The following AGBL4 variants were observed in gnomAD, a reference collection of about 807,000 sequenced individuals.
The protein encoded by AGBL4 is AGBL carboxypeptidase 4.
In AGBL4, 58 loss-of-function variants were observed where a neutral mutation model predicts 66.4. That is an observed-to-expected ratio of 0.87 (90% CI 0.71 to 1.09). The LOEUF (loss-of-function observed/expected upper bound fraction) is 1.09. Among genes scored for constraint, AGBL4 ranks in the 50% least tolerant of loss-of-function variants. The probability of loss-of-function intolerance (pLI) is 0.00; values close to 1 mark genes in which losing one functional copy is unlikely to be tolerated. For synonymous variants in AGBL4, 234 were observed against 222.9 expected, an observed-to-expected ratio of 1.05 and a Z score of -0.44; for missense variants, 579 against 631.0, an observed-to-expected ratio of 0.92 and a Z score of 0.88.
Position 49,291,028 on chromosome 1 carries a change from C to T in AGBL4, c.283-45164G>A, listed in dbSNP as rs183213927. On this transcript the variant is annotated intron_variant, in intron 3 of 13. Coordinates refer to ENST00000371839, the MANE Select transcript of AGBL4 (RefSeq NM_032785.4). Reference sequence around the variant, plus strand: ...AAATAGTATTACAGGACATGAAACCCGCTGATAGGATTGGGAGGGTTAACT... The same window carrying T: ...AAATAGTATTACAGGACATGAAACCTGCTGATAGGATTGGGAGGGTTAACT... 2.3e-4 allele frequency among the ~76,000 whole-genome samples: 35 copies of T among 152,156 alleles called. No homozygotes were observed. In the East Asian group the frequency reaches 3.5e-3, roughly 15 times the overall value.
chr1:49,493,739 C>A (rs1375417810), intron 3 of AGBL4, among the ~76,000 whole-genome samples: 1 of 151,946 alleles, frequency 6.6e-6, no homozygotes, highest in Non-Finnish European at 1.5e-5. Context: ...GTCACTGGGA[C>A]ATGTCTTCAT....
At chr1:49,302,816 C>T (rs2148447075) in intron 3 of AGBL4, among the ~76,000 whole-genome samples, 1 of 151,938 alleles carries the variant, frequency 6.6e-6, no homozygotes, top group Admixed American at 6.6e-5. Flanking sequence ...TGTTCTCCCT[C>T]CCCCTGCCCC....
intron 1 of AGBL4, chr1:49,995,437 C>G (rs1242207640): frequency 2.6e-6 from 1 of 379,376 alleles, no homozygotes; most frequent in Non-Finnish European, 5.3e-6. Context: ...CCCCTGAGAA[C>G]ACAACTCCAC....
chr1:49,848,592 T>C (rs1646218525), intron 2 of AGBL4, among the ~76,000 whole-genome samples: 1 of 152,152 alleles, frequency 6.6e-6, no homozygotes, highest in African/African-American at 2.4e-5. Flanking sequence ...TTCTCATTTA[T>C]AAGTGAGAGC....
intron 4 of AGBL4, among the ~76,000 whole-genome samples, chr1:49,058,820 G>A (rs1042247187): frequency 3.3e-5 from 5 of 152,336 alleles, no homozygotes; most frequent in African/African-American, 1.2e-4. Context: ...GGGAACTGGA[G>A]TAAAGGCAAC....
chr1:48,597,930 GA>G (rs1252374693), intron 9 of AGBL4, among the ~76,000 whole-genome samples: 2 of 151,716 alleles, frequency 1.3e-5, no homozygotes, highest in African/African-American at 4.8e-5. Context: ...GGAAGAAAAA[GA>G]AAAAGAAAGA....
chr1:49,800,220 A>C (rs1644825600), intron 2 of AGBL4, among the ~76,000 whole-genome samples: 1 of 152,156 alleles, frequency 6.6e-6, no homozygotes, highest in African/African-American at 2.4e-5. Flanking sequence ...AATATAGCAA[A>C]AGTGGTAATA....
chr1:48,864,394 T>C (rs1337504760), intron 6 of AGBL4, among the ~76,000 whole-genome samples: 4 of 152,204 alleles, frequency 2.6e-5, no homozygotes, highest in African/African-American at 9.6e-5. Context: ...GTAGTTAATT[T>C]GAAGATGCAT....
At chr1:49,935,093 G>T (rs1653814442) in intron 1 of AGBL4, among the ~76,000 whole-genome samples, 1 of 152,204 alleles carries the variant, frequency 6.6e-6, no homozygotes, top group African/African-American at 2.4e-5. Flanking sequence ...AGAAAGGGGT[G>T]ACAGACAGCA....
Position 49,906,411 on chromosome 1 carries a change from CG to C in AGBL4, c.35-54894del, listed in dbSNP as rs1355173923. Among the ~76,000 whole-genome samples the C allele has an allele frequency of 2.0e-5, 3 of 151,844 alleles. No individual in the cohort carries two copies. The East Asian group carries it at 5.8e-4, about 29-fold the overall frequency. ...TTATATAAAAACTAAGGACCATCAC[CG>C]GAATAAGTAATTTATATTTTCGTGG... On this transcript the variant is annotated intron_variant, in intron 1 of 13. Transcript: ENST00000371839.
intron 1 of AGBL4, among the ~76,000 whole-genome samples, chr1:49,867,190 T>C (rs899543280): frequency 6.6e-6 from 1 of 152,034 alleles, no homozygotes; most frequent in African/African-American, 2.4e-5. Flanking sequence ...GTAGTTTCTG[T>C]TCTTTGGCAT....
chr1:49,130,514 T>C (rs1340442385), intron 4 of AGBL4, among the ~76,000 whole-genome samples: 1 of 152,196 alleles, frequency 6.6e-6, no homozygotes, highest in Non-Finnish European at 1.5e-5. Flanking sequence ...GGGGATCCAG[T>C]TTCAGCTTTC....
intron 1 of AGBL4, among the ~76,000 whole-genome samples, chr1:49,969,450 C>T (rs1054631611): frequency 6.6e-6 from 1 of 152,092 alleles, no homozygotes; most frequent in Non-Finnish European, 1.5e-5. Context: ...AGACACCATG[C>T]TATACGGTGT....
intron 6 of AGBL4, among the ~76,000 whole-genome samples, chr1:48,700,352 A>G (rs1646782054): frequency 6.6e-6 from 1 of 152,202 alleles, no homozygotes; most frequent in Admixed American, 6.5e-5. Context: ...CAGGATGGTT[A>G]GCAAGGAGAG....
intron 2 of AGBL4, among the ~76,000 whole-genome samples, chr1:49,747,827 C>CA (rs1651104948): frequency 6.6e-6 from 1 of 151,948 alleles, no homozygotes; most frequent in Non-Finnish European, 1.5e-5. Context: ...AAATACATTT[C>CA]AAAAACTATT....
At chr1:50,006,470 G>A (rs1184099057) in intron 1 of AGBL4, among the ~76,000 whole-genome samples, 1 of 151,972 alleles carries the variant, frequency 6.6e-6, no homozygotes, top group African/African-American at 2.4e-5. Context: ...AAACCAAGCA[G>A]ATTTAATCCA....
At chr1:49,646,861 A>C (rs1645899027) in intron 3 of AGBL4, among the ~76,000 whole-genome samples, 1 of 151,996 alleles carries the variant, frequency 6.6e-6, no homozygotes, top group Non-Finnish European at 1.5e-5. Flanking sequence ...AAAATCCAGA[A>C]ATAGGACCAC....
chr1:48,816,894 C>A (rs1034224287), intron 6 of AGBL4, among the ~76,000 whole-genome samples: 1 of 152,062 alleles, frequency 6.6e-6, no homozygotes, highest in Non-Finnish European at 1.5e-5. Context: ...AGAAGATATA[C>A]CTACATCTGT....
At chr1:49,900,694 G>A (rs1557561854) in intron 1 of AGBL4, among the ~76,000 whole-genome samples, 1 of 152,194 alleles carries the variant, frequency 6.6e-6, no homozygotes, top group Non-Finnish European at 1.5e-5. Flanking sequence ...TCCAGAGGAT[G>A]AAACAGGAGG....
Sources: gnomAD v4.1 joint callset for allele counts (sites outside exome capture counted in the v4.1 genomes callset) on GRCh38, gnomAD v4.1.1 for gene constraint, MANE v1.5 for transcripts, NCBI Gene and HGNC (gene_info 2026-07-23, HGNC 2026-07-21) for gene names.